RAD54L2: variants seen among roughly 807,000 people sequenced by gnomAD.
RAD54L2 encodes helicase ARIP4.
RAD54L2 carries 27 observed loss-of-function variants against 138.4 expected under a neutral mutation model. The ratio of observed to expected loss-of-function variants is 0.20; its 90% confidence interval spans 0.14 to 0.27. RAD54L2 has a LOEUF of 0.27. Among genes scored for constraint, RAD54L2 ranks in the 10% least tolerant of loss-of-function variants. RAD54L2 has a pLI of 1.00. For synonymous variants in RAD54L2, 644 were observed against 723.2 expected (o/e 0.89, Z 1.76); for missense variants, 1,396 against 1,890.2 (o/e 0.74, Z 4.85).
chr3:51,572,853 C>T (rs865846540), intron 2 of RAD54L2, among the ~76,000 whole-genome samples: 2 of 151,540 alleles, frequency 1.3e-5, no homozygotes, highest in African/African-American at 2.4e-5. Flanking sequence ...TTGGCCAGGC[C>T]GGTCTCGAAT....
At chr3:51,610,841 A>G (rs1214586793) in intron 3 of RAD54L2, among the ~76,000 whole-genome samples, 1 of 152,172 alleles carries the variant, frequency 6.6e-6, no homozygotes, top group African/African-American at 2.4e-5. Context: ...ACCGATTGAC[A>G]TGACCCTTAT....
chr3:51,560,089 T>C (rs1699063309), intron 2 of RAD54L2, among the ~76,000 whole-genome samples: 1 of 150,724 alleles, frequency 6.6e-6, no homozygotes, highest in Non-Finnish European at 1.5e-5. Context: ...TAAGTGGTGC[T>C]GTTAAACCAG....
chr3:51,655,190 A>C (rs1222521734), intron 19 of RAD54L2, among the ~76,000 whole-genome samples: 1 of 151,874 alleles, frequency 6.6e-6, no homozygotes, highest in Non-Finnish European at 1.5e-5. Flanking sequence ...ATGAGGAAGA[A>C]CATAACAGTC....
intron 3 of RAD54L2, among the ~76,000 whole-genome samples, chr3:51,597,254 C>T (rs150081322): frequency 3.3e-5 from 5 of 149,870 alleles, no homozygotes; most frequent in African/African-American, 1.2e-4. Context: ...TCAGAAACTA[C>T]AGACATAAGT....
intron 2 of RAD54L2, among the ~76,000 whole-genome samples, chr3:51,548,684 G>A (rs947782650): frequency 2.0e-5 from 3 of 152,142 alleles, no homozygotes; most frequent in African/African-American, 2.4e-5. Context: ...GTCCTCATAA[G>A]ATATTGTTAG....
At position 51,663,473 on chromosome 3, in the gene RAD54L2, G is replaced by A; in HGVS notation, c.*53G>A. 1 of 1,559,278 alleles carries A rather than the reference G, an allele frequency of 6.4e-7. No individual in the cohort carries two copies. Among genetic ancestry groups the A allele is most frequent in the Non-Finnish European group, 8.7e-7 (1 of 1,145,408 alleles). ...GGGCCCCCAGCAGGTTGCCCACCAA[G>A]CTGAAAGGCAGTGATTTAGACCTTT... On this transcript the variant is annotated 3_prime_UTR_variant, in exon 23 of 23. Transcript: ENST00000684192.
intron 2 of RAD54L2, among the ~76,000 whole-genome samples, chr3:51,586,945 G>T (rs1699725108): frequency 6.6e-6 from 1 of 152,070 alleles, no homozygotes. Flanking sequence ...TCCAAACACA[G>T]AGTAGTTACT....
rs1701260897 is a variant in RAD54L2 at position 51,645,670 on chromosome 3, G to T, written c.2736G>T (p.Lys912Asn). ...AAAACCTACTGCACTTTGTTGAGAA[G>T]GAGCCAGCTCCCCAAGTTTCCTTGA... is the stretch of plus-strand genomic sequence containing the variant. ...EVENLLHFVEKEPAPQVSLNV... is the reference protein window; with the variant it reads ...EVENLLHFVENEPAPQVSLNV... The change falls in exon 18 of 23, where the codon AAG (lysine) becomes AAT (asparagine). Residue 912 changes from lysine (K) to asparagine (N), a missense_variant. Transcript: ENST00000684192. This position sits in a 1 kb window ranked among gnomAD's most constrained non-coding sequence, Gnocchi z 6.1. 1 of 1,612,322 alleles carries T rather than the reference G, an allele frequency of 6.2e-7. No homozygotes were observed. The highest frequency in any genetic ancestry group is 8.5e-7 in the Non-Finnish European group (1 of 1,179,270).
At chr3:51,602,763 C>G (rs1471351719) in intron 3 of RAD54L2, among the ~76,000 whole-genome samples, 1 of 152,154 alleles carries the variant, frequency 6.6e-6, no homozygotes, top group Non-Finnish European at 1.5e-5. Flanking sequence ...AAAAATGCCT[C>G]TCCTCATGGG....
At position 51,651,152 on chromosome 3, in the gene RAD54L2, A is replaced by G. The variant is rs76063284; in HGVS notation, c.3026+4671A>G. On this transcript the variant is annotated intron_variant, in intron 19 of 22. Transcript: ENST00000684192. ...ACAAACTAGCATCAGAGAATACTCT[A>G]AACACCTCTATGCAAATAAACTAGA... Among the ~76,000 whole-genome samples, 9 of 152,206 alleles carry G rather than the reference A, an allele frequency of 5.9e-5. 1 individual carries two copies. Among genetic ancestry groups the G allele is most frequent in the Admixed American group, 5.9e-4 (9 of 15,278 alleles).
chr3:51,627,906 G>A (rs1482641370), intron 4 of RAD54L2, among the ~76,000 whole-genome samples, 152 bp downstream of exon 4: 1 of 152,166 alleles, frequency 6.6e-6, no homozygotes, highest in Non-Finnish European at 1.5e-5. Flanking sequence ...AATAGTGAAG[G>A]TGCAGCTCAG....
At chr3:51,552,011 A>G (rs1698851657) in intron 2 of RAD54L2, among the ~76,000 whole-genome samples, 1 of 151,532 alleles carries the variant, frequency 6.6e-6, no homozygotes, top group African/African-American at 2.4e-5. Context: ...CAGCCTCCCA[A>G]AGTGCTGGGA....
chr3:51,571,698 G>C (rs1222123147), intron 2 of RAD54L2, among the ~76,000 whole-genome samples: 1 of 152,002 alleles, frequency 6.6e-6, no homozygotes, highest in Non-Finnish European at 1.5e-5. Flanking sequence ...ATGAGTGGTG[G>C]GACATGCATA....
chr3:51,612,927 G>A (rs1700362252), intron 3 of RAD54L2, among the ~76,000 whole-genome samples: 3 of 151,984 alleles, frequency 2.0e-5, no homozygotes, highest in Admixed American at 6.6e-5. Context: ...AGTAGAAAAG[G>A]CATGTACTTT....
chr3:51,659,174 C>T (rs918252129), intron 21 of RAD54L2, among the ~76,000 whole-genome samples: 9 of 137,110 alleles, frequency 6.6e-5, no homozygotes, highest in African/African-American at 2.0e-4. Flanking sequence ...GGTGTGATCT[C>T]GGCTCACTGT....
intron 3 of RAD54L2, among the ~76,000 whole-genome samples, chr3:51,612,280 C>G (rs1184444703): frequency 6.6e-6 from 1 of 152,074 alleles, no homozygotes; most frequent in Non-Finnish European, 1.5e-5. Context: ...GCCTGGCCAA[C>G]ATGGCAAAAC....
At chr3:51,601,884 G>T (rs1184658436) in intron 3 of RAD54L2, among the ~76,000 whole-genome samples, 1 of 151,298 alleles carries the variant, frequency 6.6e-6, no homozygotes, top group Non-Finnish European at 1.5e-5. Context: ...TCGAGAAAGA[G>T]TCTTGCCCTG....
Position 51,637,571 on chromosome 3 carries a change from C to A in RAD54L2, c.1682+68C>A. 1 of 1,460,226 alleles carries A rather than the reference C, an allele frequency of 6.8e-7. No individual in the cohort carries two copies. The highest frequency in any genetic ancestry group is 9.3e-7 in the Non-Finnish European group (1 of 1,077,812). The allele number at this position is 1,460,226 out of a possible 1,614,324, so 90.5% of individuals were successfully genotyped here. A position where few individuals can be genotyped will look rare whatever the true frequency, so the allele number is the denominator to read the frequency against. The stretch of plus-strand genomic sequence containing the variant: ...CCCTGTTGCCAAGGGCATGCCAAAC[C>A]TGTTATACAGGATAGGGTGTTGGAG... On this transcript the variant is annotated intron_variant, in intron 11 of 22. Transcript: ENST00000684192. The surrounding 1 kb of genome is among the most constrained non-coding windows in gnomAD (Gnocchi z 5.9).
At chr3:51,606,709 G>A (rs1438818478) in intron 3 of RAD54L2, among the ~76,000 whole-genome samples, 1 of 151,794 alleles carries the variant, frequency 6.6e-6, no homozygotes, top group African/African-American at 2.4e-5. Context: ...TTGAGACAGA[G>A]TCTTGCTGTG....
Sources: gnomAD v4.1 joint callset for allele counts (sites outside exome capture counted in the v4.1 genomes callset) on GRCh38, gnomAD v4.1.1 for gene constraint, Gnocchi (gnomAD v3.1) non-coding constraint, MANE v1.5 for transcripts, NCBI Gene and HGNC (gene_info 2026-07-23, HGNC 2026-07-21) for gene names.